RIMS2: variants seen among roughly 807,000 people sequenced by gnomAD.
RIMS2 encodes the protein regulating synaptic membrane exocytosis protein 2.
RIMS2 carries 59 observed loss-of-function variants against 174.4 expected under a neutral mutation model. The observed-to-expected ratio is 0.34, with a 90% CI of 0.27 to 0.42. RIMS2 has a LOEUF of 0.42. Ranked by LOEUF, RIMS2 falls within the 10% of genes least tolerant of loss-of-function variation. The pLI is 1.00. For missense variants in RIMS2, 1,620 were observed against 1,666.3 expected (o/e 0.97, Z 0.48); for synonymous variants, 606 against 572.5 (o/e 1.06, Z -0.84).
At chr8:104,248,855 T>C (rs1295907584) in intron 21 of RIMS2, 42 bp downstream of exon 27, 2 of 1,037,434 alleles carry the variant, frequency 1.9e-6, no homozygotes, top group Admixed American at 1.7e-5. Context: ...TTGTTTTAGA[T>C]TGTTGAAAAT....
At chr8:104,088,487 G>A (rs1385598840) in intron 19 of RIMS2, among the ~76,000 whole-genome samples, 1 of 151,962 alleles carries the variant, frequency 6.6e-6, no homozygotes, top group Non-Finnish European at 1.5e-5. Context: ...GTATTTCCTT[G>A]AATGTGGTAT....
chr8:103,674,319 C>G (rs1265671218), intron 1 of RIMS2, among the ~76,000 whole-genome samples: 1 of 152,128 alleles, frequency 6.6e-6, no homozygotes, highest in Non-Finnish European at 1.5e-5. Flanking sequence ...TTTCAGGTAT[C>G]TTTATAGCAA....
chr8:103,776,684 G>A (rs1376397998), intron 3 of RIMS2, among the ~76,000 whole-genome samples: 3 of 151,958 alleles, frequency 2.0e-5, no homozygotes, highest in Non-Finnish European at 4.4e-5. Flanking sequence ...CTGTCCACTA[G>A]GGGGCTAGTA....
downstream of RIMS2, chr8:104,254,947 G>A (rs2099365968): frequency 6.6e-6 from 1 of 152,162 alleles, no homozygotes; most frequent in African/African-American, 2.4e-5. Flanking sequence ...TTCTACGTGT[G>A]GATATGAATG....
At chr8:103,690,991 G>C (rs1324807950) in intron 1 of RIMS2, among the ~76,000 whole-genome samples, 1 of 152,108 alleles carries the variant, frequency 6.6e-6, no homozygotes, top group African/African-American at 2.4e-5. Flanking sequence ...GATAAAAGTT[G>C]TTTTCTTTCA....
chr8:103,639,715 A>G (rs1016867906), intron 1 of RIMS2, among the ~76,000 whole-genome samples: 1 of 151,930 alleles, frequency 6.6e-6, no homozygotes, highest in African/African-American at 2.4e-5. Context: ...GGTTATTTTC[A>G]GTTTTCTGAG....
At chr8:104,048,405 T>C (rs1412701266) in intron 19 of RIMS2, among the ~76,000 whole-genome samples, 1 of 152,076 alleles carries the variant, frequency 6.6e-6, no homozygotes, top group East Asian at 1.9e-4. Flanking sequence ...AACACCATGG[T>C]GATGCCTGTA....
In RIMS2 at chr8:103,574,985, G is replaced by A. The variant is rs78915999; in HGVS notation, c.176+73923G>A. 3.8e-3 allele frequency among the ~76,000 whole-genome samples: 571 copies of A among 152,224 alleles called. 8 individuals carry two copies. The highest frequency in any genetic ancestry group is 0.013 in the African/African-American group (542 of 41,552). On this transcript the variant is annotated intron_variant, in intron 1 of 23. Coordinates refer to ENST00000504942, the Ensembl canonical transcript of RIMS2. ...TTGTAGCTATTAAAAATTTTTACAT[G>A]GAAGGATTCTTGGCAGAGCCACAAG...
chr8:103,656,347 A>G (rs981347050), intron 1 of RIMS2, among the ~76,000 whole-genome samples: 2 of 152,164 alleles, frequency 1.3e-5, no homozygotes, highest in South Asian at 4.1e-4. Context: ...GACTGGCCAG[A>G]GATATATTTT....
At chr8:103,753,982 G>A (rs532851933) in intron 2 of RIMS2, among the ~76,000 whole-genome samples, 4 of 152,186 alleles carry the variant, frequency 2.6e-5, no homozygotes, top group Admixed American at 2.6e-4. Context: ...TTTTGAATGT[G>A]TTTGCTCTTG....
intron 19 of RIMS2, among the ~76,000 whole-genome samples, chr8:104,018,950 T>C (rs909329093): frequency 6.6e-6 from 1 of 152,212 alleles, no homozygotes; most frequent in African/African-American, 2.4e-5. Flanking sequence ...ATTATGTTTA[T>C]ATACCATAAT....
At chr8:103,581,503 C>T (rs1254545403) in intron 1 of RIMS2, among the ~76,000 whole-genome samples, 1 of 151,184 alleles carries the variant, frequency 6.6e-6, no homozygotes, top group African/African-American at 2.5e-5. Context: ...ATGTGAAAAT[C>T]CCCCAGCTAA....
At chr8:104,128,356 A>G (rs2132742971) in intron 19 of RIMS2, among the ~76,000 whole-genome samples, 1 of 152,366 alleles carries the variant, frequency 6.6e-6, no homozygotes, top group South Asian at 2.1e-4. Flanking sequence ...TTTTAAATAA[A>G]TAATGAGTTT....
intron 15 of RIMS2, among the ~76,000 whole-genome samples, chr8:103,961,349 C>A (rs114026043): frequency 1.3e-5 from 2 of 152,000 alleles, no homozygotes; most frequent in Non-Finnish European, 2.9e-5. Context: ...ATACCAGATA[C>A]GTAGATGTCA....
At chr8:103,889,837 T>A (rs2099231957) in intron 4 of RIMS2, among the ~76,000 whole-genome samples, 1 of 151,924 alleles carries the variant, frequency 6.6e-6, no homozygotes, top group Admixed American at 6.6e-5. Context: ...ATGATGCTGC[T>A]AATTACAATG....
At chr8:104,057,541 G>A (rs2096891694) in intron 19 of RIMS2, among the ~76,000 whole-genome samples, 1 of 151,706 alleles carries the variant, frequency 6.6e-6, no homozygotes, top group African/African-American at 2.4e-5. Flanking sequence ...AAATAGTTTA[G>A]ATATCAGTTT....
intron 1 of RIMS2, among the ~76,000 whole-genome samples, chr8:103,677,645 T>A (rs1294007245): frequency 6.6e-6 from 1 of 152,186 alleles, no homozygotes; most frequent in Non-Finnish European, 1.5e-5. Flanking sequence ...CTAGAAGCTC[T>A]ATTTTGGTTC....
chr8:104,239,611 G>A (rs1028079782), intron 19 of RIMS2, among the ~76,000 whole-genome samples: 6 of 151,868 alleles, frequency 4.0e-5, no homozygotes, highest in Non-Finnish European at 8.8e-5. Context: ...TAAAATAATG[G>A]TTAAGTTTTT....
At chr8:104,175,732 G>A (rs988381837) in intron 19 of RIMS2, among the ~76,000 whole-genome samples, 6 of 152,114 alleles carry the variant, frequency 3.9e-5, no homozygotes, top group Admixed American at 1.3e-4. Context: ...AAAGAAAAGT[G>A]TATCATGATG....
Sources: gnomAD v4.1 joint callset for allele counts (sites outside exome capture counted in the v4.1 genomes callset) on GRCh38, gnomAD v4.1.1 for gene constraint, MANE v1.5 for transcripts, NCBI Gene and HGNC (gene_info 2026-07-23, HGNC 2026-07-21) for gene names.